FAM13C: variants seen among roughly 807,000 people sequenced by gnomAD.
FAM13C encodes the protein family with sequence similarity 13 member C.
In FAM13C, 37 loss-of-function variants were observed where a neutral mutation model predicts 73.2. That is an observed-to-expected ratio of 0.51 (90% CI 0.39 to 0.67). The LOEUF (loss-of-function observed/expected upper bound fraction) is 0.67. Ranked by LOEUF, FAM13C falls within the 30% of genes least tolerant of loss-of-function variation. FAM13C has a pLI of 0.00. For missense variants in FAM13C, 589 were observed against 715.6 expected, an observed-to-expected ratio of 0.82 and a Z score of 2.02; for synonymous variants, 246 against 260.9, an observed-to-expected ratio of 0.94 and a Z score of 0.55.
chr10:59,361,112 T>C (rs1856362517), intron 1 of FAM13C: 3 of 1,288,914 alleles, frequency 2.3e-6, no homozygotes, highest in African/African-American at 1.5e-5. Flanking sequence ...CTCTCAGGCC[T>C]TTAGAAAAGC....
rs554168554 is a variant in FAM13C, at chr10:59,278,154, G to A, written c.592+5209C>T. On this transcript the variant is annotated intron_variant, in intron 6 of 13. Coordinates refer to ENST00000618804, the MANE Select transcript of FAM13C (RefSeq NM_198215.4). ...CCTCATGTGACTTATTCACTATCAC[G>A]AGAGCAGCATGGGAAAGACCTGCCC... is the stretch of plus-strand genomic sequence containing the variant. Among the ~76,000 whole-genome samples, 26 of 152,170 alleles carry A rather than the reference G, an allele frequency of 1.7e-4. No individual in the cohort carries two copies. In the South Asian group the frequency reaches 2.9e-3, roughly 17 times the overall value.
intron 6 of FAM13C, among the ~76,000 whole-genome samples, chr10:59,270,927 C>T (rs1843652962): frequency 6.6e-6 from 1 of 152,170 alleles, no homozygotes; most frequent in Non-Finnish European, 1.5e-5. Flanking sequence ...TCACTAGAAC[C>T]AATCCCCTTT....
At chr10:59,314,295 C>A (rs962654547) in intron 4 of FAM13C, among the ~76,000 whole-genome samples, 1 of 152,152 alleles carries the variant, frequency 6.6e-6, no homozygotes, top group African/African-American at 2.4e-5. Flanking sequence ...TCTTCCGAGC[C>A]CCTGCTGTGG....
At chr10:59,315,743 T>C (rs1186306302) in intron 4 of FAM13C, among the ~76,000 whole-genome samples, 1 of 152,068 alleles carries the variant, frequency 6.6e-6, no homozygotes, top group Admixed American at 6.5e-5. Context: ...AACAGAAATA[T>C]CTAGTAAATA....
chr10:59,256,894 C>G (rs919484123), intron 10 of FAM13C, among the ~76,000 whole-genome samples: 2 of 152,200 alleles, frequency 1.3e-5, no homozygotes, highest in Non-Finnish European at 2.9e-5. Flanking sequence ...ATGGCTCTCT[C>G]TTTCTGAAGT....
Position 59,283,397 on chromosome 10 carries a change from G to A in FAM13C, c.558C>T (p.Thr186=), listed in dbSNP as rs1845159464. 10 of 1,614,098 alleles carry A rather than the reference G, an allele frequency of 6.2e-6. No individual in the cohort carries two copies. The highest frequency in any genetic ancestry group is 7.6e-6 in the Non-Finnish European group (9 of 1,180,030). ...HGVKDPAPAS[T]QSVLADGTDS... is the part of the protein sequence containing the mutation. ...CTGTCCCATCGGCAAGCACGCTCTG[G>A]GTTGATGCTGGCGCCGGGTCCTTGA... The change falls in exon 6 of 14, where the codon ACC becomes ACT. Residue 186 remains threonine (T), a synonymous_variant. Coordinates refer to ENST00000618804, the MANE Select transcript of FAM13C (RefSeq NM_198215.4).
intron 5 of FAM13C, among the ~76,000 whole-genome samples, chr10:59,291,943 C>T (rs1465231330): frequency 3.3e-5 from 5 of 151,940 alleles, no homozygotes; most frequent in Non-Finnish European, 7.4e-5. Context: ...CGCCCACCAT[C>T]ACGCCTGGCG....
At chr10:59,303,847 C>T (rs1030056299) in intron 4 of FAM13C, among the ~76,000 whole-genome samples, 7 of 152,218 alleles carry the variant, frequency 4.6e-5, no homozygotes, top group African/African-American at 1.7e-4. Flanking sequence ...CCATGTATGT[C>T]TTCTTTTAAA....
At chr10:59,272,983 C>T (rs1040064618) in intron 6 of FAM13C, among the ~76,000 whole-genome samples, 2 of 152,034 alleles carry the variant, frequency 1.3e-5, no homozygotes, top group African/African-American at 4.8e-5. Flanking sequence ...TAAAATAGGA[C>T]AATTATAACA....
chr10:59,329,789 C>T (rs1041329188), intron 3 of FAM13C, among the ~76,000 whole-genome samples: 1 of 152,162 alleles, frequency 6.6e-6, no homozygotes, highest in African/African-American at 2.4e-5. Context: ...TAATAACATT[C>T]ACTGAGCGCT....
chr10:59,308,412 C>A (rs570213365), intron 4 of FAM13C, among the ~76,000 whole-genome samples: 3 of 151,982 alleles, frequency 2.0e-5, no homozygotes, highest in African/African-American at 4.8e-5. Flanking sequence ...CCACCACAAC[C>A]ACTGCCATCA....
In FAM13C at chr10:59,253,012, GAGTT is replaced by G; in HGVS notation, c.1333-18_1333-15del. ...CTCTTCCTCCTGCTTATCACAGGCAGAGTTAAAGAAAGAAAGTCATGTAATGCTC... is the reference window on the plus strand; with the variant it reads ...CTCTTCCTCCTGCTTATCACAGGCAGAAAGAAAGAAAGTCATGTAATGCTC... On this transcript the variant is annotated splice_polypyrimidine_tract_variant and intron_variant, in intron 11 of 13. Transcript: ENST00000618804. 6.2e-7 allele frequency: 1 copy of G among 1,612,578 alleles called. No individual in the cohort carries two copies. Among genetic ancestry groups the G allele is most frequent in the Non-Finnish European group, 8.5e-7 (1 of 1,179,626 alleles).
intron 2 of FAM13C, among the ~76,000 whole-genome samples, chr10:59,354,850 C>T (rs917384045): frequency 6.6e-6 from 1 of 152,044 alleles, no homozygotes; most frequent in Non-Finnish European, 1.5e-5. Flanking sequence ...TACTTCCTCA[C>T]TCCACCAGGT....
chr10:59,350,611 A>T (rs757512138), intron 3 of FAM13C, among the ~76,000 whole-genome samples: 4 of 152,178 alleles, frequency 2.6e-5, no homozygotes, highest in Non-Finnish European at 5.9e-5. Context: ...CAAGAGTTAC[A>T]CTCTGTTTAA....
chr10:59,254,574 G>GTCAT, intron 10 of FAM13C, 131 bp from the exon 11 acceptor site: 1 of 370,376 alleles, frequency 2.7e-6, no homozygotes, highest in East Asian at 4.0e-5. Flanking sequence ...GAAAAGGAAA[G>GTCAT]TCATTTATTT....
chr10:59,271,055 G>A (rs566160683), intron 6 of FAM13C, among the ~76,000 whole-genome samples: 2 of 152,082 alleles, frequency 1.3e-5, no homozygotes, highest in Non-Finnish European at 2.9e-5. Flanking sequence ...ACTGAGTCAG[G>A]GGGCCAGAAG....
chr10:59,355,100 T>C (rs1855544773), intron 2 of FAM13C, among the ~76,000 whole-genome samples: 2 of 152,156 alleles, frequency 1.3e-5, no homozygotes, highest in Admixed American at 1.3e-4. Flanking sequence ...GGCTGTTTGA[T>C]TCTTCTAAGT....
intron 3 of FAM13C, among the ~76,000 whole-genome samples, chr10:59,346,267 A>G (rs1248496104): frequency 1.3e-5 from 2 of 152,230 alleles, no homozygotes; most frequent in East Asian, 3.8e-4. Context: ...TACAGTAAGA[A>G]TAAGAACTAT....
At chr10:59,299,244 A>G in intron 5 of FAM13C, among the ~76,000 whole-genome samples, 1 of 152,164 alleles carries the variant, frequency 6.6e-6, no homozygotes, top group African/African-American at 2.4e-5. Context: ...TACAATTATT[A>G]TTTGTCATTT....
Sources: gnomAD v4.1 joint callset for allele counts (sites outside exome capture counted in the v4.1 genomes callset) on GRCh38, gnomAD v4.1.1 for gene constraint, MANE v1.5 for transcripts, NCBI Gene and HGNC (gene_info 2026-07-23, HGNC 2026-07-21) for gene names.